KCNQ3: variants seen among roughly 807,000 people sequenced by gnomAD.
KCNQ3 encodes the protein potassium voltage-gated channel subfamily KQT member 3.
KCNQ3 carries 30 observed loss-of-function variants against 92.5 expected under a neutral mutation model. The ratio of observed to expected loss-of-function variants is 0.32; its 90% CI spans 0.24 to 0.44. The LOEUF (loss-of-function observed/expected upper bound fraction) is 0.44, where lower values mean the gene tolerates loss of function less well. KCNQ3 is among the 20% of genes least tolerant of loss of function. KCNQ3 has a pLI of 1.00. For missense variants in KCNQ3, 913 were observed against 1,140.3 expected, an observed-to-expected ratio of 0.80 and a Z score of 2.87; for synonymous variants, 450 against 468.8, an observed-to-expected ratio of 0.96 and a Z score of 0.52.
intron 1 of KCNQ3, among the ~76,000 whole-genome samples, chr8:132,405,644 T>G (rs1820456179): frequency 6.6e-6 from 1 of 152,090 alleles, no homozygotes; most frequent in South Asian, 2.1e-4. Flanking sequence ...TCCAGGAGTT[T>G]ATAACTTAGC....
intron 1 of KCNQ3, among the ~76,000 whole-genome samples, chr8:132,243,464 C>A: frequency 6.6e-6 from 1 of 152,104 alleles, no homozygotes; most frequent in East Asian, 1.9e-4. Context: ...GGTTTGTGGT[C>A]AAAAAAGGAA....
chr8:132,352,237 G>C (rs953231860), intron 1 of KCNQ3, among the ~76,000 whole-genome samples: 1 of 152,092 alleles, frequency 6.6e-6, no homozygotes, highest in Non-Finnish European at 1.5e-5. Context: ...TTCTCACCAG[G>C]GGCGGGGTGT....
intron 9 of KCNQ3, among the ~76,000 whole-genome samples, chr8:132,145,045 G>A (rs765990169): frequency 1.3e-5 from 2 of 152,296 alleles, no homozygotes; most frequent in African/African-American, 2.4e-5. Context: ...ACATTTGGTC[G>A]TCACAACTAC....
rs5895143 is a variant in KCNQ3 at position 132,477,350 on chromosome 8, TAA to T, written c.386+2795_386+2796del. The stretch of plus-strand genomic sequence containing the variant: ...ATCATGGACCTGGTTCATTTTAATT[TAA>T]AAAAAAAAAAAAAGCATCCACTAGA... On this transcript the variant is annotated intron_variant, in intron 1 of 14. Coordinates refer to ENST00000388996, the MANE Select transcript of KCNQ3 (RefSeq NM_004519.4). Among the ~76,000 whole-genome samples, 686 of 143,536 alleles carry T rather than the reference TAA, an allele frequency of 4.8e-3. 1 individual carries two copies. Among genetic ancestry groups the T allele is most frequent in the African/African-American group, 6.9e-3 (270 of 38,988 alleles). The allele number at this position is 143,536 out of a possible 152,430, so 94.2% of individuals were successfully genotyped here.
chr8:132,271,214 G>T (rs535093030), intron 1 of KCNQ3, among the ~76,000 whole-genome samples: 1 of 152,232 alleles, frequency 6.6e-6, no homozygotes, highest in South Asian at 2.1e-4. Context: ...CAGGACTTGG[G>T]CCAGTGCCTG....
intron 9 of KCNQ3, among the ~76,000 whole-genome samples, chr8:132,156,974 A>C (rs1440450370): frequency 6.6e-6 from 1 of 152,196 alleles, no homozygotes. Flanking sequence ...ATCAGCATGA[A>C]CTACCTGAAG....
intron 1 of KCNQ3, among the ~76,000 whole-genome samples, chr8:132,282,016 T>C (rs1296372038): frequency 6.6e-6 from 1 of 152,078 alleles, no homozygotes; most frequent in East Asian, 1.9e-4. Flanking sequence ...AACTCCTCCT[T>C]CATGTGGTGG....
At chr8:132,262,224 A>G (rs1815811163) in intron 1 of KCNQ3, among the ~76,000 whole-genome samples, 1 of 152,202 alleles carries the variant, frequency 6.6e-6, no homozygotes, top group South Asian at 2.1e-4. Context: ...GACGCCACTA[A>G]TTCAGGGGAT....
intron 1 of KCNQ3, among the ~76,000 whole-genome samples, chr8:132,475,185 C>T (rs1421419040): frequency 6.6e-6 from 1 of 152,176 alleles, no homozygotes; most frequent in Non-Finnish European, 1.5e-5. Flanking sequence ...TTATAAATTA[C>T]CCAGTCTCAG....
intron 1 of KCNQ3, among the ~76,000 whole-genome samples, chr8:132,339,567 A>T (rs759918265): frequency 2.6e-5 from 4 of 152,196 alleles, no homozygotes; most frequent in Non-Finnish European, 5.9e-5. Flanking sequence ...AAAATATTTT[A>T]AAAATTAGCT....
rs952231835 is a variant in KCNQ3 at position 132,148,908 on chromosome 8, T to C, written c.1263-7577A>G. 2.0e-5 allele frequency among the ~76,000 whole-genome samples: 3 copies of C among 152,210 alleles called. No individual in the cohort carries two copies. In the East Asian group the frequency reaches 5.8e-4, roughly 29 times the overall value. On this transcript the variant is annotated intron_variant, in intron 9 of 14. Coordinates refer to ENST00000388996, the MANE Select transcript of KCNQ3 (RefSeq NM_004519.4). ...GGTGTTCCAGCTTGCGGACAGCAGA[T>C]TGTGAGATTTCTCAGCCTCTGTAAT...
At chr8:132,398,018 G>A (rs907762064) in intron 1 of KCNQ3, among the ~76,000 whole-genome samples, 4 of 152,094 alleles carry the variant, frequency 2.6e-5, no homozygotes, top group Admixed American at 2.0e-4. Context: ...GTCTTCGGGC[G>A]GTTACACAAG....
At chr8:132,282,918 C>T (rs900649482) in intron 1 of KCNQ3, among the ~76,000 whole-genome samples, 13 of 152,044 alleles carry the variant, frequency 8.6e-5, no homozygotes, top group Non-Finnish European at 1.3e-4. Flanking sequence ...AAAAAGCCGG[C>T]AGGAGAGAGC....
chr8:132,303,601 GGT>G (rs1327982721), intron 1 of KCNQ3, among the ~76,000 whole-genome samples: 1 of 17,524 alleles, frequency 5.7e-5, no homozygotes, highest in Non-Finnish European at 9.3e-5. Flanking sequence ...ATATATATAT[GGT>G]GTGTATATAT....
At chr8:132,351,700 G>A (rs1251341689) in intron 1 of KCNQ3, among the ~76,000 whole-genome samples, 1 of 152,100 alleles carries the variant, frequency 6.6e-6, no homozygotes, top group Non-Finnish European at 1.5e-5. Flanking sequence ...TGACCACTTG[G>A]AAGCAGGTGA....
intron 1 of KCNQ3, among the ~76,000 whole-genome samples, chr8:132,261,228 G>A (rs976593546): frequency 5.3e-5 from 8 of 152,206 alleles, no homozygotes; most frequent in Admixed American, 4.6e-4. Context: ...CTGTTTGGAT[G>A]TATTGGTTTC....
At chr8:132,162,019 T>C (rs1039492020) in intron 9 of KCNQ3, among the ~76,000 whole-genome samples, 6 of 152,218 alleles carry the variant, frequency 3.9e-5, no homozygotes, top group African/African-American at 9.6e-5. Flanking sequence ...TTCTCTGAGG[T>C]GGGTGAGCCA....
At chr8:132,342,283 C>T (rs1818553860) in intron 1 of KCNQ3, among the ~76,000 whole-genome samples, 1 of 152,070 alleles carries the variant, frequency 6.6e-6, no homozygotes, top group Non-Finnish European at 1.5e-5. Context: ...CCCCTGAAAT[C>T]CAACTCTGTC....
chr8:132,169,255 T>A (rs1826236735), intron 8 of KCNQ3, among the ~76,000 whole-genome samples: 1 of 152,152 alleles, frequency 6.6e-6, no homozygotes, highest in Admixed American at 6.5e-5. Context: ...TCCATCAGAA[T>A]TGCTGAAAGT....
Sources: allele counts gnomAD v4.1 joint callset (sites outside exome capture counted in the v4.1 genomes callset), GRCh38; gene constraint gnomAD v4.1.1; transcripts MANE v1.5; gene names NCBI Gene and HGNC (gene_info 2026-07-23, HGNC 2026-07-21).